SMIM45: variants seen among roughly 807,000 people sequenced by gnomAD.
SMIM45 encodes small integral membrane protein 45, also known as long intergenic non-protein coding RNA 634.
the SMIM45 span, among the ~76,000 whole-genome samples, chr22:41,947,769 C>T: frequency 2.0e-5 from 3 of 150,206 alleles, no homozygotes; most frequent in Admixed American, 1.3e-4. Context: ...GGGCTCAAGT[C>T]ATCTTCCTGG....
the SMIM45 span, among the ~76,000 whole-genome samples, chr22:41,954,730 G>A: frequency 3.3e-5 from 5 of 152,064 alleles, no homozygotes; most frequent in African/African-American, 9.7e-5. Flanking sequence ...TGGGTGGGCC[G>A]AGCACGGTGG....
chr22:41,953,136 G>A, the SMIM45 span, among the ~76,000 whole-genome samples: 7 of 152,198 alleles, frequency 4.6e-5, no homozygotes, highest in Non-Finnish European at 7.3e-5. Context: ...TTAATACAAT[G>A]TCGGTGCCTC....
chr22:41,947,123 T>C, the SMIM45 span: 71 of 1,595,734 alleles, frequency 4.4e-5, no homozygotes, highest in Non-Finnish European at 5.8e-5. Flanking sequence ...CGCCGATCTT[T>C]CAAACCGCCC....
the SMIM45 span, among the ~76,000 whole-genome samples, chr22:41,947,367 CTT>C: frequency 1.1e-3 from 143 of 132,902 alleles, no homozygotes; most frequent in African/African-American, 2.4e-3. Context: ...ATACACAGTA[CTT>C]TTTTTTTTTT....
the SMIM45 span, among the ~76,000 whole-genome samples, chr22:41,957,232 C>T: frequency 1.7e-5 from 2 of 119,348 alleles, no homozygotes; most frequent in Non-Finnish European, 3.3e-5. Flanking sequence ...ATCGCTCTGT[C>T]ACCCAGGCTG....
chr22:41,950,507 G>A, the SMIM45 span, among the ~76,000 whole-genome samples: 1 of 151,516 alleles, frequency 6.6e-6, no homozygotes, highest in Non-Finnish European at 1.5e-5. Flanking sequence ...AGACCGGCTT[G>A]GGCAATATGG....
the SMIM45 span, among the ~76,000 whole-genome samples, chr22:41,953,740 G>GTTTTT: frequency 3.2e-4 from 29 of 89,322 alleles, 3 homozygotes; most frequent in Admixed American, 5.9e-4. Flanking sequence ...TCTGTGATCT[G>GTTTTT]TTTTTTTTTT....
At chr22:41,948,317 C>A in the SMIM45 span, among the ~76,000 whole-genome samples, 1 of 152,136 alleles carries the variant, frequency 6.6e-6, no homozygotes, top group Non-Finnish European at 1.5e-5. Flanking sequence ...ATTTCCTATG[C>A]CCAGACCCAA....
At chr22:41,949,749 A>G in the SMIM45 span, among the ~76,000 whole-genome samples, 1 of 152,214 alleles carries the variant, frequency 6.6e-6, no homozygotes, top group Non-Finnish European at 1.5e-5. Flanking sequence ...TGGGGAGGCC[A>G]TCGGGGAGCA....
chr22:41,956,368 T>C, the SMIM45 span, among the ~76,000 whole-genome samples: 1 of 152,218 alleles, frequency 6.6e-6, no homozygotes, highest in Non-Finnish European at 1.5e-5. Context: ...CCAAGTGTTT[T>C]GGTGCTAGGG....
the SMIM45 span, among the ~76,000 whole-genome samples, chr22:41,953,087 A>G: frequency 3.9e-5 from 6 of 152,170 alleles, no homozygotes; most frequent in African/African-American, 1.4e-4. Context: ...TTGGATAATC[A>G]GTGCACTCTT....
chr22:41,948,608 A>G, the SMIM45 span, among the ~76,000 whole-genome samples: 5 of 152,104 alleles, frequency 3.3e-5, no homozygotes, highest in African/African-American at 1.2e-4. Flanking sequence ...GTCAAGCAGT[A>G]GTAGGCACTA....
chr22:41,947,263 C>A, the SMIM45 span: 44 of 603,120 alleles, frequency 7.3e-5, no homozygotes, highest in Non-Finnish European at 1.2e-4. Flanking sequence ...CCAGCGCTAC[C>A]CGTGGAACAC....
At chr22:41,947,060 G>T in the SMIM45 span, 1 of 1,612,930 alleles carries the variant, frequency 6.2e-7, no homozygotes, top group Non-Finnish European at 8.5e-7. Context: ...CTTGTCCAGG[G>T]GCCTCAACAC....
chr22:41,949,988 A>T, the SMIM45 span, among the ~76,000 whole-genome samples: 55 of 151,948 alleles, frequency 3.6e-4, no homozygotes, highest in African/African-American at 1.3e-3. Context: ...GCATTTTTCA[A>T]ATCGGCTTCT....
chr22:41,958,400 C>T, the SMIM45 span: 1 of 456,334 alleles, frequency 2.2e-6, no homozygotes, highest in African/African-American at 2.0e-5. Flanking sequence ...CCGCACCCCG[C>T]GGGGCTCAGG....
chr22:41,951,989 C>T, the SMIM45 span, among the ~76,000 whole-genome samples: 3 of 152,260 alleles, frequency 2.0e-5, no homozygotes. Flanking sequence ...AATCCTGCCG[C>T]TCTGTCATCT....
chr22:41,947,158 C>T, the SMIM45 span: 6 of 1,399,786 alleles, frequency 4.3e-6, no homozygotes, highest in Non-Finnish European at 6.0e-6. Flanking sequence ...AGAGCGCGGC[C>T]TGGGGGCACG....
At chr22:41,947,551 A>G in the SMIM45 span, among the ~76,000 whole-genome samples, 1 of 151,684 alleles carries the variant, frequency 6.6e-6, no homozygotes, top group Non-Finnish European at 1.5e-5. Context: ...TATTTTTAGT[A>G]GAGACGGGGT....
Sources: gnomAD v4.1 joint callset for allele counts (sites outside exome capture counted in the v4.1 genomes callset) on GRCh38, gnomAD v4.1.1 for gene constraint, MANE v1.5 for transcripts, NCBI Gene and HGNC (gene_info 2026-07-23, HGNC 2026-07-21) for gene names.